Variants in SRBD1 observed in about 807,000 individuals in gnomAD.
SRBD1 encodes S1 RNA binding domain 1.
SRBD1 carries 88 observed loss-of-function variants against 115.3 expected under a neutral mutation model. The observed-to-expected ratio is 0.76, with a 90% confidence interval of 0.64 to 0.91. The LOEUF (loss-of-function observed/expected upper bound fraction) is 0.91. Among genes scored for constraint, SRBD1 ranks in the 40% least tolerant of loss-of-function variants. SRBD1 has a pLI of 0.00. For synonymous variants in SRBD1, 509 were observed against 407.7 expected, an observed-to-expected ratio of 1.25 and a Z score of -2.99; for missense variants, 1,385 against 1,177.4, an observed-to-expected ratio of 1.18 and a Z score of -2.58.
At chr2:45,462,131 A>C (rs1023727440) in intron 16 of SRBD1, among the ~76,000 whole-genome samples, 4 of 152,238 alleles carry the variant, frequency 2.6e-5, no homozygotes, top group African/African-American at 9.6e-5. Context: ...AAATGCAGTC[A>C]TTTCTACAGA....
At chr2:45,590,101 T>C (rs995809543) in intron 4 of SRBD1, among the ~76,000 whole-genome samples, 1 of 152,258 alleles carries the variant, frequency 6.6e-6, no homozygotes, top group South Asian at 2.1e-4. Flanking sequence ...GAGAAACCAA[T>C]GCACATGTTT....
intron 10 of SRBD1, among the ~76,000 whole-genome samples, chr2:45,554,427 C>A (rs1416847782): frequency 1.3e-5 from 2 of 152,044 alleles, no homozygotes; most frequent in African/African-American, 4.8e-5. Context: ...CTTTTTTCCC[C>A]CTTTCTTTAT....
chr2:45,409,745 A>G (rs992137624), intron 19 of SRBD1, among the ~76,000 whole-genome samples: 4 of 152,108 alleles, frequency 2.6e-5, no homozygotes, highest in African/African-American at 4.8e-5. Flanking sequence ...GTAGCAGCAA[A>G]TTTTAAAAAC....
At chr2:45,509,217 T>A (rs1670887731) in intron 14 of SRBD1, among the ~76,000 whole-genome samples, 1 of 152,174 alleles carries the variant, frequency 6.6e-6, no homozygotes. Flanking sequence ...ATTTTCCTCA[T>A]CTAGAATAAG....
chr2:45,514,421 A>T (rs925182096), intron 14 of SRBD1, among the ~76,000 whole-genome samples: 1 of 152,122 alleles, frequency 6.6e-6, no homozygotes, highest in Non-Finnish European at 1.5e-5. Flanking sequence ...CTCAAAAAAA[A>T]TATGAAAAAT....
chr2:45,520,376 C>A (rs1292359299), intron 14 of SRBD1, among the ~76,000 whole-genome samples: 1 of 152,222 alleles, frequency 6.6e-6, no homozygotes, highest in African/African-American at 2.4e-5. Context: ...GGATTAGCAC[C>A]TGCTGACACT....
intron 15 of SRBD1, among the ~76,000 whole-genome samples, chr2:45,477,518 T>C (rs1200336737): frequency 6.6e-6 from 1 of 152,176 alleles, no homozygotes; most frequent in African/African-American, 2.4e-5. Flanking sequence ...ATCCCCCAAA[T>C]AATGAACAAG....
At chr2:45,424,506 A>G (rs1361300128) in intron 16 of SRBD1, among the ~76,000 whole-genome samples, 3 of 152,218 alleles carry the variant, frequency 2.0e-5, no homozygotes, top group East Asian at 1.9e-4. Context: ...TGAACAGCCC[A>G]TATCTATACA....
intron 9 of SRBD1, among the ~76,000 whole-genome samples, chr2:45,572,944 G>C (rs899191100): frequency 1.3e-5 from 2 of 152,046 alleles, no homozygotes; most frequent in African/African-American, 4.8e-5. Flanking sequence ...CTAACAAAAA[G>C]ATCACCAGCC....
At chr2:45,609,313 G>C in intron 1 of SRBD1, among the ~76,000 whole-genome samples, 1 of 151,960 alleles carries the variant, frequency 6.6e-6, no homozygotes, top group Non-Finnish European at 1.5e-5. Flanking sequence ...CAGACTATTA[G>C]TAAGTCACAT....
intron 16 of SRBD1, among the ~76,000 whole-genome samples, chr2:45,453,714 T>C (rs2103750536): frequency 6.6e-6 from 1 of 152,138 alleles, no homozygotes; most frequent in East Asian, 1.9e-4. Flanking sequence ...TTTCTGTTTT[T>C]GTTTTTAATC....
At chr2:45,470,937 G>C (rs536692476) in intron 16 of SRBD1, among the ~76,000 whole-genome samples, 2 of 152,134 alleles carry the variant, frequency 1.3e-5, no homozygotes, top group Non-Finnish European at 2.9e-5. Context: ...AAGTATTTTA[G>C]TTTCTATTGA....
At position 45,494,462 on chromosome 2, in the gene SRBD1, T is replaced by C. The variant is rs77500694; in HGVS notation, c.1875-6131A>G. The stretch of plus-strand genomic sequence containing the variant: ...AAATACATCATTTGTTTGTAGAAGA[T>C]CTCAAGCAATGACATTTTATGACAT... On this transcript the variant is annotated intron_variant, in intron 14 of 20. Transcript: ENST00000263736. Among the ~76,000 whole-genome samples, 943 of 152,182 alleles carry C rather than the reference T, an allele frequency of 6.2e-3. 8 individuals carry two copies. Among genetic ancestry groups the C allele is most frequent in the African/African-American group, 0.022 (895 of 41,534 alleles).
chr2:45,556,080 A>T (rs763091679), intron 10 of SRBD1, among the ~76,000 whole-genome samples: 4 of 152,214 alleles, frequency 2.6e-5, no homozygotes, highest in Non-Finnish European at 5.9e-5. Context: ...AAGATTACAT[A>T]ATAGCAACTA....
At chr2:45,437,709 T>G (rs1405217091) in intron 16 of SRBD1, among the ~76,000 whole-genome samples, 1 of 152,172 alleles carries the variant, frequency 6.6e-6, no homozygotes, top group African/African-American at 2.4e-5. Flanking sequence ...ATCTGGGCGA[T>G]AGACTAAGAC....
rs200960517 is a variant in SRBD1 at position 45,562,732 on chromosome 2, T to C, written c.1330A>G (p.Asn444Asp). 47 of 1,609,292 alleles carry C rather than the reference T, an allele frequency of 2.9e-5. No homozygotes were observed. The highest frequency in any genetic ancestry group is 3.7e-5 in the Non-Finnish European group (44 of 1,178,790). The change falls in exon 10 of 21, where the codon AAT (asparagine) becomes GAT (aspartate). Residue 444 changes from asparagine (N) to aspartate (D), a missense_variant. Transcript: ENST00000263736. ...HQILAINRGE[N>D]LKVLTVKVNI... ...ACCTTAACCGTCAGTACCTTCAAAT[T>C]TTCTCCACGGTTAATTGCCAGAATC...
chr2:45,470,989 T>C (rs17322167), intron 16 of SRBD1, among the ~76,000 whole-genome samples: 52,484 of 145,720 alleles, frequency 0.36, 10,037 homozygotes, highest in Non-Finnish European at 0.44. Flanking sequence ...TTTAACATTC[T>C]CTCTTTGAAC....
intron 14 of SRBD1, among the ~76,000 whole-genome samples, chr2:45,501,173 T>C (rs926486972): frequency 2.0e-5 from 3 of 152,350 alleles, no homozygotes; most frequent in South Asian, 2.1e-4. Flanking sequence ...GTTGATGTGA[T>C]GTATCACATT....
At chr2:45,417,349 T>C (rs1667863790) in intron 18 of SRBD1, among the ~76,000 whole-genome samples, 1 of 152,196 alleles carries the variant, frequency 6.6e-6, no homozygotes, top group Admixed American at 6.5e-5. Flanking sequence ...TGTTAGATAA[T>C]TAATCAATTT....
Sources: allele counts gnomAD v4.1 joint callset (sites outside exome capture counted in the v4.1 genomes callset), GRCh38; gene constraint gnomAD v4.1.1; transcripts MANE v1.5; gene names NCBI Gene and HGNC (gene_info 2026-07-23, HGNC 2026-07-21).